GABRB1: variants seen among roughly 807,000 people sequenced by gnomAD.
The protein encoded by GABRB1 is gamma-aminobutyric acid receptor subunit beta-1.
GABRB1 carries 17 observed loss-of-function variants against 51.6 expected under a neutral mutation model. That is an observed-to-expected ratio of 0.33 (90% CI 0.23 to 0.49). The LOEUF is 0.49. Among genes scored for constraint, GABRB1 ranks in the 20% least tolerant of loss-of-function variants. The probability of loss-of-function intolerance (pLI) is 0.99; values close to 1 mark genes in which losing one functional copy is unlikely to be tolerated. For missense variants in GABRB1, 410 were observed against 600.6 expected (o/e 0.68, Z 3.32); for synonymous variants, 247 against 218.9 (o/e 1.13, Z -1.14).
chr4:47,307,953 A>G (rs903372642), intron 4 of GABRB1, among the ~76,000 whole-genome samples: 3 of 152,034 alleles, frequency 2.0e-5, no homozygotes, highest in Non-Finnish European at 4.4e-5. Context: ...AAAATTAATA[A>G]TATTTTGCAT....
chr4:47,253,976 T>C (rs115793446), intron 4 of GABRB1, among the ~76,000 whole-genome samples: 5,685 of 152,234 alleles, frequency 0.037, 163 homozygotes, highest in South Asian at 0.11. Flanking sequence ...GAGATTGGAG[T>C]AGAAAATGAG....
At chr4:47,022,486 G>A (rs953682950) in intron 1 of GABRB1, among the ~76,000 whole-genome samples, 12 of 151,988 alleles carry the variant, frequency 7.9e-5, no homozygotes, top group African/African-American at 2.7e-4. Context: ...TCTCAAGAGT[G>A]TTTTAGATGT....
At chr4:47,314,278 T>C (rs1724806714) in intron 4 of GABRB1, among the ~76,000 whole-genome samples, 1 of 152,030 alleles carries the variant, frequency 6.6e-6, no homozygotes, top group Non-Finnish European at 1.5e-5. Context: ...AATTCAGTTA[T>C]GCTTCCTAAA....
intron 5 of GABRB1, among the ~76,000 whole-genome samples, chr4:47,397,502 T>C (rs1313589133): frequency 5.3e-5 from 8 of 152,216 alleles, no homozygotes; most frequent in Admixed American, 5.2e-4. Context: ...GGGATCACAC[T>C]GTTGTAAGTA....
chr4:47,280,167 AT>A lies in GABRB1; in HGVS notation c.462-39955del, dbSNP rs564996111. ...TTTATCTTTTGTGTAGCTACAGAGG[AT>A]TTTTCTTTTGTGGTTATTATAAAAA... On this transcript the variant is annotated intron_variant, in intron 4 of 8. Coordinates refer to ENST00000295454, the MANE Select transcript of GABRB1 (RefSeq NM_000812.4). 5.7e-4 allele frequency among the ~76,000 whole-genome samples: 86 copies of A among 151,008 alleles called. 2 individuals carry two copies. The East Asian group carries it at 0.016, about 28-fold the overall frequency.
chr4:47,387,465 C>G (rs1433447491), intron 5 of GABRB1, among the ~76,000 whole-genome samples: 3 of 152,112 alleles, frequency 2.0e-5, no homozygotes, highest in Non-Finnish European at 4.4e-5. Flanking sequence ...GAGTGAGACT[C>G]CATCTCAAAA....
chr4:47,058,039 A>C (rs886554477), intron 3 of GABRB1, among the ~76,000 whole-genome samples: 11 of 152,206 alleles, frequency 7.2e-5, no homozygotes, highest in Non-Finnish European at 1.3e-4. Flanking sequence ...ATTTTTCATG[A>C]GAATAAGCAA....
At chr4:47,417,685 T>C (rs1047777600) in intron 8 of GABRB1, among the ~76,000 whole-genome samples, 1 of 152,206 alleles carries the variant, frequency 6.6e-6, no homozygotes, top group Non-Finnish European at 1.5e-5. Flanking sequence ...TAGCTCATTC[T>C]GTAGCCAGCT....
intron 3 of GABRB1, among the ~76,000 whole-genome samples, chr4:47,036,634 A>T (rs1385397671): frequency 6.6e-6 from 1 of 152,122 alleles, no homozygotes; most frequent in East Asian, 1.9e-4. Flanking sequence ...GGCCAAGGCG[A>T]GTGTATCACT....
intron 4 of GABRB1, among the ~76,000 whole-genome samples, chr4:47,234,211 G>A (rs1439870780): frequency 6.6e-6 from 1 of 152,084 alleles, no homozygotes; most frequent in Non-Finnish European, 1.5e-5. Flanking sequence ...TTGCAGGCTG[G>A]GTGCAGTGGC....
chr4:47,261,748 C>T (rs1722446238), intron 4 of GABRB1, among the ~76,000 whole-genome samples: 1 of 152,072 alleles, frequency 6.6e-6, no homozygotes, highest in African/African-American at 2.4e-5. Flanking sequence ...AATCCTAAGA[C>T]AAAAGAACAA....
At chr4:47,222,883 ATTC>A (rs1936004461) in intron 4 of GABRB1, among the ~76,000 whole-genome samples, 1 of 152,172 alleles carries the variant, frequency 6.6e-6, no homozygotes. Flanking sequence ...GCAAGCAAAC[ATTC>A]TTCTTATCTA....
chr4:47,139,222 C>T (rs1716809024), intron 3 of GABRB1, among the ~76,000 whole-genome samples: 1 of 151,982 alleles, frequency 6.6e-6, no homozygotes, highest in South Asian at 2.1e-4. Context: ...TGGGATGCCT[C>T]TAAAACAGTT....
intron 5 of GABRB1, among the ~76,000 whole-genome samples, chr4:47,370,293 C>A (rs1303732137): frequency 2.0e-5 from 3 of 152,028 alleles, no homozygotes; most frequent in African/African-American, 4.8e-5. Flanking sequence ...TCGAGACCAG[C>A]CTGGACAACA....
At chr4:47,242,058 C>A (rs1460642368) in intron 4 of GABRB1, among the ~76,000 whole-genome samples, 1 of 151,950 alleles carries the variant, frequency 6.6e-6, no homozygotes, top group African/African-American at 2.4e-5. Context: ...CACGACAGGC[C>A]CCGGTGTGTG....
At chr4:47,193,125 TTTGTTG>T (rs140155461) in intron 4 of GABRB1, among the ~76,000 whole-genome samples, 2,742 of 151,930 alleles carry the variant, frequency 0.018, 88 homozygotes, top group African/African-American at 0.063. Flanking sequence ...ATATGTGTTT[TTTGTTG>T]TTGTTGTTGT....
intron 3 of GABRB1, among the ~76,000 whole-genome samples, chr4:47,132,523 A>G (rs1716471671): frequency 6.6e-6 from 1 of 152,178 alleles, no homozygotes; most frequent in Non-Finnish European, 1.5e-5. Context: ...TTTTAGTTCA[A>G]GATGGCACCT....
chr4:47,051,677 C>T (rs926863792), intron 3 of GABRB1, among the ~76,000 whole-genome samples: 1 of 152,022 alleles, frequency 6.6e-6, no homozygotes. Context: ...AATAAGAGTT[C>T]AGAAGAAACA....
At chr4:47,000,843 T>A (rs772921150) in intron 1 of GABRB1, among the ~76,000 whole-genome samples, 4 of 152,232 alleles carry the variant, frequency 2.6e-5, no homozygotes, top group Non-Finnish European at 5.9e-5. Context: ...AGACTTCTTA[T>A]GACCAAACCT....
Sources: gnomAD v4.1 joint callset for allele counts (sites outside exome capture counted in the v4.1 genomes callset) on GRCh38, gnomAD v4.1.1 for gene constraint, MANE v1.5 for transcripts, NCBI Gene and HGNC (gene_info 2026-07-23, HGNC 2026-07-21) for gene names.